The following RYR2 variants were observed in gnomAD, a reference collection of about 807,000 sequenced individuals.
RYR2 encodes the protein ryanodine receptor 2.
RYR2 carries 227 observed loss-of-function variants against 601.1 expected under a neutral mutation model. The ratio of observed to expected loss-of-function variants is 0.38; its 90% CI spans 0.34 to 0.42. RYR2 has a LOEUF of 0.42. Ranked by LOEUF, RYR2 falls within the 10% of genes least tolerant of loss-of-function variation. The pLI, the probability that RYR2 is intolerant of heterozygous loss-of-function variation, is 1.00. For missense variants in RYR2, 4,646 were observed against 6,156.5 expected (o/e 0.75, Z 8.21); for synonymous variants, 2,223 against 2,175.1 (o/e 1.02, Z -0.61).
intron 97 of RYR2, among the ~76,000 whole-genome samples, chr1:237,798,499 T>G (rs944182838): frequency 6.6e-6 from 1 of 152,138 alleles, no homozygotes; most frequent in Non-Finnish European, 1.5e-5. Context: ...TATATGGCTG[T>G]TTTCTGGTAA....
At chr1:237,559,820 C>A (rs1671275848) in intron 27 of RYR2, among the ~76,000 whole-genome samples, 2 of 152,130 alleles carry the variant, frequency 1.3e-5, no homozygotes. Context: ...TGCTTATTGT[C>A]ATTGTTGTTT....
rs2805409 is a variant in RYR2, at chr1:237,590,064, A to C, written c.3807+63A>C. The C allele has an allele frequency of 0.46, 650,764 of 1,409,730 alleles. 154,745 individuals carry two copies. Among genetic ancestry groups the C allele is most frequent in the Admixed American group, 0.57 (26,877 of 47,434 alleles). The allele number at this position is 1,409,730 out of a possible 1,614,324, so 87.3% of individuals were successfully genotyped here. On this transcript the variant is annotated intron_variant, in intron 30 of 104. Transcript: ENST00000366574. ...AGCAGGAAAAGAATATCTTTATACA[A>C]AGGAACTTCTGCTTAGACAATTATT... is the stretch of plus-strand genomic sequence containing the variant.
In RYR2 at chr1:237,180,756, AAT is replaced by A. The variant is rs1678649759; in HGVS notation, c.49-89738_49-89737del. ...TATATGCTATTATATAATAAATATT[AAT>A]ATGTTAATAGTAATATGCTAACATG... On this transcript the variant is annotated intron_variant, in intron 1 of 104. Transcript: ENST00000366574. The surrounding 1 kb of genome is among the most constrained non-coding windows in gnomAD (Gnocchi z 5.3). Among the ~76,000 whole-genome samples, 1 of 148,008 alleles carries A rather than the reference AAT, an allele frequency of 6.8e-6. No homozygotes were observed. The highest frequency in any genetic ancestry group is 2.1e-4 in the South Asian group (1 of 4,798).
At position 237,506,759 on chromosome 1, in the gene RYR2, A is replaced by G. The variant is rs1289969599; in HGVS notation, c.2663A>G (p.Asn888Ser). 8.7e-6 allele frequency: 14 copies of G among 1,613,730 alleles called. No homozygotes were observed. In the Admixed American group the frequency reaches 1.0e-4, roughly 12 times the overall value. ...LERIREKLAE[N>S]IHELWVMNKI... Reference sequence around the variant, plus strand: ...AGAATAAGAGAAAAACTGGCAGAGAATATCCATGAACTCTGGGTTATGAAT... The same window carrying G: ...AGAATAAGAGAAAAACTGGCAGAGAGTATCCATGAACTCTGGGTTATGAAT... The change falls in exon 23 of 105, where the codon AAT (asparagine) becomes AGT (serine). Residue 888 changes from asparagine (N) to serine (S), a missense_variant. This residue lies in a region of RYR2 where 1,807 missense variants were observed against 2,088.1 expected (regional missense o/e 0.87). Coordinates refer to ENST00000366574, the MANE Select transcript of RYR2 (RefSeq NM_001035.3).
chr1:237,650,011 T>A lies in RYR2; in HGVS notation c.7647T>A (p.Leu2549=). 1 of 1,613,998 alleles carries A rather than the reference T, an allele frequency of 6.2e-7. No homozygotes were observed. The highest frequency in any genetic ancestry group is 8.5e-7 in the Non-Finnish European group (1 of 1,179,864). Residue 2549 remains leucine (L), a synonymous_variant, in exon 50 of 105, where the codon CTT becomes CTA. Coordinates refer to ENST00000366574, the MANE Select transcript of RYR2 (RefSeq NM_001035.3). ...EHHASLIDSL[L]HTVYRLSKGC... is the part of the protein sequence containing the mutation. ...ACGCTTCTCTCATTGACTCATTACTTCATACTGTGTATAGACTTTCTAAGG... is the reference window on the plus strand; with the variant it reads ...ACGCTTCTCTCATTGACTCATTACTACATACTGTGTATAGACTTTCTAAGG...
At chr1:237,461,321 CCTT>C (rs1323352924) in intron 16 of RYR2, among the ~76,000 whole-genome samples, 1 of 152,170 alleles carries the variant, frequency 6.6e-6, no homozygotes, top group East Asian at 1.9e-4. Context: ...TACCTCCACT[CCTT>C]CTCTTCTCCA....
chr1:237,521,162 C>CAA (rs34443452), intron 24 of RYR2, among the ~76,000 whole-genome samples: 1 of 151,640 alleles, frequency 6.6e-6, no homozygotes, highest in Non-Finnish European at 1.5e-5. Context: ...GAAACTGTTT[C>CAA]AAAAAGTCAA....
In RYR2 at chr1:237,617,279, C is replaced by G; in HGVS notation, c.5716-7C>G. 1 of 1,606,430 alleles carries G rather than the reference C, an allele frequency of 6.2e-7. No homozygotes were observed. On this transcript the variant is annotated splice_polypyrimidine_tract_variant and splice_region_variant and intron_variant, in intron 37 of 104. Coordinates refer to ENST00000366574, the MANE Select transcript of RYR2 (RefSeq NM_001035.3). ...TTAAATTTGGTGTCTTTTTAATGGTCTCTTAGATGTGCCTACTGCTTCAGT... is the reference window on the plus strand; with the variant it reads ...TTAAATTTGGTGTCTTTTTAATGGTGTCTTAGATGTGCCTACTGCTTCAGT...
chr1:237,669,044 C>T (rs1184929485), intron 58 of RYR2, among the ~76,000 whole-genome samples: 2 of 150,688 alleles, frequency 1.3e-5, no homozygotes, highest in African/African-American at 2.4e-5. Flanking sequence ...TGTTTGTGTC[C>T]CTGGGTACTT....
chr1:237,671,412 T>C (rs1243948137), intron 58 of RYR2, among the ~76,000 whole-genome samples: 2 of 152,020 alleles, frequency 1.3e-5, no homozygotes, highest in African/African-American at 4.8e-5. Context: ...AGCCAACAGT[T>C]GTAGGCAGTT....
chr1:237,809,074 TCTC>T (rs1442395385), intron 100 of RYR2, 39 bp downstream of exon 100: 2 of 1,570,902 alleles, frequency 1.3e-6, no homozygotes, highest in Non-Finnish European at 1.7e-6. Flanking sequence ...AACAAAAATG[TCTC>T]CTGCTTCTGC....
chr1:237,415,952 T>C (rs1012217084), intron 10 of RYR2, among the ~76,000 whole-genome samples: 3 of 152,210 alleles, frequency 2.0e-5, no homozygotes, highest in Non-Finnish European at 4.4e-5. Context: ...GCTAGGTGTA[T>C]GCGGATTTAT....
intron 104 of RYR2, among the ~76,000 whole-genome samples, chr1:237,831,769 A>G (rs1284389349): frequency 2.6e-5 from 4 of 152,240 alleles, no homozygotes; most frequent in Non-Finnish European, 5.9e-5. Context: ...AAGTTTATGT[A>G]ACACAATAAG....
In RYR2 at chr1:237,356,996, C is replaced by T. The variant is rs535853307; in HGVS notation, c.294+1011C>T. Among the ~76,000 whole-genome samples the T allele has an allele frequency of 1.3e-4, 20 of 151,984 alleles. No homozygotes were observed. The South Asian group carries it at 4.2e-3, about 32-fold the overall frequency. On this transcript the variant is annotated intron_variant, in intron 4 of 104. Coordinates refer to ENST00000366574, the MANE Select transcript of RYR2 (RefSeq NM_001035.3). ...TGATGCAATATTTTGAGAATTTTGC[C>T]ATCTTTTCAGTGCCCTTTCAGTAGT...
intron 1 of RYR2, among the ~76,000 whole-genome samples, chr1:237,252,054 C>T (rs181654259): frequency 1.5e-3 from 222 of 152,078 alleles, no homozygotes; most frequent in Admixed American, 5.2e-3. Context: ...TGCTTGGCTA[C>T]GGTAACAACC....
intron 1 of RYR2, among the ~76,000 whole-genome samples, chr1:237,258,060 C>G (rs1327653607): frequency 6.6e-6 from 1 of 150,404 alleles, no homozygotes; most frequent in Non-Finnish European, 1.5e-5. Flanking sequence ...CCCAGCTACT[C>G]GAGAGGCTGA....
At chr1:237,140,665 T>C (rs1011133694) in intron 1 of RYR2, among the ~76,000 whole-genome samples, 1 of 152,188 alleles carries the variant, frequency 6.6e-6, no homozygotes, top group South Asian at 2.1e-4. Flanking sequence ...GTTGATAAAA[T>C]CTTTGAGATA....
chr1:237,406,766 G>A (rs1295338049), intron 10 of RYR2, among the ~76,000 whole-genome samples: 2 of 152,114 alleles, frequency 1.3e-5, no homozygotes, highest in Non-Finnish European at 2.9e-5. Context: ...TGAGCAGAAA[G>A]CACAGAGAAT....
At chr1:237,260,970 G>T (rs1343791758) in intron 1 of RYR2, among the ~76,000 whole-genome samples, 1 of 152,070 alleles carries the variant, frequency 6.6e-6, no homozygotes, top group Middle Eastern at 3.4e-3. Flanking sequence ...CAAAAATATT[G>T]GCTTCTTTTA....
Sources: allele counts gnomAD v4.1 joint callset (sites outside exome capture counted in the v4.1 genomes callset), GRCh38; gene constraint gnomAD v4.1.1; regional missense constraint gnomAD v4.1.1; non-coding constraint Gnocchi (gnomAD v3.1); transcripts MANE v1.5; gene names NCBI Gene and HGNC (gene_info 2026-07-23, HGNC 2026-07-21).